FAIM2: variants seen among roughly 807,000 people sequenced by gnomAD.
FAIM2 encodes the protein protein lifeguard 2.
A neutral mutation model predicts 47.4 loss-of-function variants in FAIM2; 27 were observed. That is an observed-to-expected ratio of 0.57 (90% CI 0.42 to 0.78). FAIM2 has a LOEUF of 0.78. Ranked by LOEUF, FAIM2 falls within the 30% of genes least tolerant of loss-of-function variation. The pLI, the probability that FAIM2 is intolerant of heterozygous loss-of-function variation, is 0.00. For synonymous variants in FAIM2, 156 were observed against 159.3 expected, an observed-to-expected ratio of 0.98 and a Z score of 0.16; for missense variants, 311 against 389.4, an observed-to-expected ratio of 0.80 and a Z score of 1.69.
chr12:49,903,646 G>T, intron 1 of FAIM2, 132 bp downstream of exon 1: 1 of 1,234,736 alleles, frequency 8.1e-7, no homozygotes, highest in Non-Finnish European at 1.2e-6. Flanking sequence ...TCTGACTTCA[G>T]CAAGGACCAC....
At chr12:49,881,906 G>GC (rs900096112) in intron 11 of FAIM2, among the ~76,000 whole-genome samples, 13 of 152,328 alleles carry the variant, frequency 8.5e-5, no homozygotes, top group African/African-American at 3.1e-4. Context: ...CTCAGGTGCT[G>GC]CCCCTTCCAC....
chr12:49,875,793 G>A (rs1946732504), intron 11 of FAIM2, among the ~76,000 whole-genome samples: 4 of 152,226 alleles, frequency 2.6e-5, no homozygotes, highest in South Asian at 2.1e-4. Context: ...TGGCCAACAC[G>A]ATGAAACCCC....
intron 11 of FAIM2, among the ~76,000 whole-genome samples, chr12:49,876,629 G>A (rs1001910288): frequency 5.3e-5 from 8 of 151,890 alleles, no homozygotes; most frequent in Non-Finnish European, 8.8e-5. Context: ...AAAATTAGCC[G>A]GGCGTGGTGG....
chr12:49,879,575 C>T (rs1200021114), intron 11 of FAIM2, among the ~76,000 whole-genome samples: 8 of 124,872 alleles, frequency 6.4e-5, no homozygotes, highest in Admixed American at 8.1e-5. Context: ...TGTATATGTG[C>T]GTGTATATGT....
At chr12:49,876,439 A>C (rs1415392888) in intron 11 of FAIM2, among the ~76,000 whole-genome samples, 1 of 152,208 alleles carries the variant, frequency 6.6e-6, no homozygotes, top group Non-Finnish European at 1.5e-5. Flanking sequence ...AAATCTGGTG[A>C]TTTAAATGAC....
chr12:49,880,849 T>A (rs1047711444), intron 11 of FAIM2, among the ~76,000 whole-genome samples: 2 of 150,186 alleles, frequency 1.3e-5, no homozygotes, highest in African/African-American at 5.0e-5. Context: ...TGTATGTATA[T>A]GGATATGCAT....
At chr12:49,903,175 G>A (rs1181925544) in intron 1 of FAIM2, among the ~76,000 whole-genome samples, 1 of 152,216 alleles carries the variant, frequency 6.6e-6, no homozygotes, top group African/African-American at 2.4e-5. Flanking sequence ...CCTAAAACTG[G>A]AGAAGAGATG....
intron 11 of FAIM2, among the ~76,000 whole-genome samples, chr12:49,877,952 A>G (rs940674434): frequency 2.1e-5 from 3 of 144,788 alleles, no homozygotes; most frequent in Non-Finnish European, 4.5e-5. Context: ...ATATGTGCGT[A>G]TGTGTGTGTA....
chr12:49,891,714 C>T (rs191471688), intron 5 of FAIM2, among the ~76,000 whole-genome samples: 1 of 152,260 alleles, frequency 6.6e-6, no homozygotes, highest in Non-Finnish European at 1.5e-5. Flanking sequence ...AAATTGTAAA[C>T]TCAGCAAGGG....
At chr12:49,889,079 G>A (rs1356985986) in intron 10 of FAIM2, 28 bp downstream of exon 10, 6 of 1,557,434 alleles carry the variant, frequency 3.9e-6, no homozygotes, top group East Asian at 2.3e-5. Context: ...CCTCCCCATG[G>A]GGCCTGCTGG....
chr12:49,903,325 G>A (rs1485760411), intron 1 of FAIM2, among the ~76,000 whole-genome samples: 1 of 152,260 alleles, frequency 6.6e-6, no homozygotes, highest in African/African-American at 2.4e-5. Flanking sequence ...GAGTAGGGTG[G>A]GGGTTGTTTC....
At chr12:49,885,697 G>A (rs899218258) in intron 11 of FAIM2, among the ~76,000 whole-genome samples, 23 of 152,060 alleles carry the variant, frequency 1.5e-4, no homozygotes, top group African/African-American at 5.1e-4. Context: ...TTATCTTGCC[G>A]GGAAACCATG....
In FAIM2 at chr12:49,887,444, G is replaced by A. The variant is rs745376313; in HGVS notation, c.748-5C>T. On this transcript the variant is annotated splice_region_variant and splice_polypyrimidine_tract_variant and intron_variant, in intron 10 of 11. Coordinates refer to ENST00000320634, the MANE Select transcript of FAIM2 (RefSeq NM_012306.4). ...AACTGCATGGAGCCAGGGCACCTGCGGCAGAGGAAAAATGGGCTTAGGGAC... is the reference window on the plus strand; with the variant it reads ...AACTGCATGGAGCCAGGGCACCTGCAGCAGAGGAAAAATGGGCTTAGGGAC... 1.7e-5 allele frequency: 27 copies of A among 1,610,038 alleles called. No homozygotes were observed. The highest frequency in any genetic ancestry group is 1.6e-4 in the Middle Eastern group (1 of 6,078).
intron 5 of FAIM2, among the ~76,000 whole-genome samples, chr12:49,896,391 G>A (rs960532088): frequency 6.6e-6 from 1 of 152,066 alleles, no homozygotes; most frequent in South Asian, 2.1e-4. Flanking sequence ...CGAGTGGCTC[G>A]AGGGCTGCAG....
At chr12:49,889,077 T>C (rs1394853569) in intron 10 of FAIM2, 30 bp downstream of exon 10, 6 of 1,542,162 alleles carry the variant, frequency 3.9e-6, no homozygotes, top group East Asian at 2.3e-5. Context: ...TCCCTCCCCA[T>C]GGGGCCTGCT....
chr12:49,901,882 G>C (rs1277073700), intron 1 of FAIM2: 1 of 152,534 alleles, frequency 6.6e-6, no homozygotes, highest in Admixed American at 6.5e-5. Flanking sequence ...GGAGATGGGA[G>C]AGAGAAGGGC....
In FAIM2 at chr12:49,867,291, AC is replaced by A. The variant is rs1946670009; in HGVS notation, c.*3212del. ...AGGCCCTGCGTTTCCTCAAGCAGCC[AC>A]TGGAGGGCAGCAAAGTGCTTATGCA... is the stretch of plus-strand genomic sequence containing the variant. On this transcript the variant is annotated 3_prime_UTR_variant, in exon 12 of 12. Transcript: ENST00000320634. 6.6e-6 allele frequency: 1 copy of A among 152,256 alleles called. No individual in the cohort carries two copies. The highest frequency in any genetic ancestry group is 2.4e-5 in the African/African-American group (1 of 41,444). The allele number at this position is 152,256 out of a possible 1,614,324, so 9.4% of individuals were successfully genotyped here.
At chr12:49,873,738 A>G (rs898003761) in intron 11 of FAIM2, among the ~76,000 whole-genome samples, 1 of 152,208 alleles carries the variant, frequency 6.6e-6, no homozygotes, top group African/African-American at 2.4e-5. Flanking sequence ...CCCTTGGTCC[A>G]TAGCCACAGA....
chr12:49,885,885 G>T (rs1946857631), intron 11 of FAIM2, among the ~76,000 whole-genome samples: 1 of 152,148 alleles, frequency 6.6e-6, no homozygotes, highest in Admixed American at 6.5e-5. Flanking sequence ...ATCACACACA[G>T]TAGGTGCTCT....
Sources: gnomAD v4.1 joint callset for allele counts (sites outside exome capture counted in the v4.1 genomes callset) on GRCh38, gnomAD v4.1.1 for gene constraint, MANE v1.5 for transcripts, NCBI Gene and HGNC (gene_info 2026-07-23, HGNC 2026-07-21) for gene names.